The following NALCN variants were observed in gnomAD, a reference collection of about 807,000 sequenced individuals.
NALCN encodes sodium leak channel NALCN.
In NALCN, 111 loss-of-function variants were observed where a neutral mutation model predicts 225.3. The observed-to-expected ratio is 0.49, with a 90% CI of 0.42 to 0.58. NALCN has a LOEUF of 0.58. NALCN is among the 20% of genes least tolerant of loss of function. The pLI, the probability that NALCN is intolerant of heterozygous loss-of-function variation, is 0.00. For synonymous variants in NALCN, 764 were observed against 769.0 expected (o/e 0.99, Z 0.11); for missense variants, 1,378 against 2,202.4 (o/e 0.63, Z 7.49).
chr13:101,248,302 T>C (rs998678233), intron 11 of NALCN, among the ~76,000 whole-genome samples: 1 of 152,158 alleles, frequency 6.6e-6, no homozygotes, highest in Non-Finnish European at 1.5e-5. Context: ...TTCAAAATAT[T>C]GGGAACGAAC....
chr13:101,123,419 C>T (rs932805507), intron 18 of NALCN, among the ~76,000 whole-genome samples: 1 of 152,176 alleles, frequency 6.6e-6, no homozygotes, highest in African/African-American at 2.4e-5. Flanking sequence ...AATCATGATC[C>T]TGATGTAACA....
intron 9 of NALCN, among the ~76,000 whole-genome samples, chr13:101,287,531 G>A (rs1387398229): frequency 6.6e-6 from 1 of 152,068 alleles, no homozygotes; most frequent in Admixed American, 6.6e-5. Context: ...CATTAATAGT[G>A]CCCACTTCAC....
At chr13:101,376,654 C>G in intron 6 of NALCN, 46 bp downstream of exon 6, 2 of 1,553,318 alleles carry the variant, frequency 1.3e-6, no homozygotes, top group Non-Finnish European at 1.7e-6. Flanking sequence ...ACAGAGATAT[C>G]TTTGTTAATC....
At chr13:101,185,436 A>G (rs917465962) in intron 14 of NALCN, among the ~76,000 whole-genome samples, 2 of 152,198 alleles carry the variant, frequency 1.3e-5, no homozygotes, top group Non-Finnish European at 2.9e-5. Context: ...TTTCCTTTGA[A>G]ACAGTAATAG....
intron 7 of NALCN, among the ~76,000 whole-genome samples, chr13:101,331,135 C>G (rs1195341969): frequency 3.3e-5 from 5 of 151,918 alleles, no homozygotes; most frequent in Non-Finnish European, 7.4e-5. Flanking sequence ...GGCCAGAGTA[C>G]CCCTGAAAAA....
At chr13:101,410,766 T>A (rs1047178221) in intron 1 of NALCN, among the ~76,000 whole-genome samples, 8 of 152,208 alleles carry the variant, frequency 5.3e-5, no homozygotes, top group African/African-American at 1.9e-4. Context: ...TAGATACTAT[T>A]AACTGAAAGA....
At chr13:101,231,722 A>G (rs978081179) in intron 12 of NALCN, among the ~76,000 whole-genome samples, 2 of 152,246 alleles carry the variant, frequency 1.3e-5, no homozygotes, top group East Asian at 3.8e-4. Context: ...GTGTATTTAG[A>G]ACACAGTAAG....
At chr13:101,313,585 C>G (rs2044437701) in intron 7 of NALCN, among the ~76,000 whole-genome samples, 1 of 152,198 alleles carries the variant, frequency 6.6e-6, no homozygotes, top group African/African-American at 2.4e-5. Flanking sequence ...CTCATCATCA[C>G]TGGCCATCAG....
At position 101,143,164 on chromosome 13, in the gene NALCN, C is replaced by T. The variant is rs1328205905; in HGVS notation, c.2034G>A (p.Leu678=). ...AGGAAGAGGTGGTCGGGAGGCTTCT[C>T]AGGAGGCAACATGTGTCCTGTTGCT... ...DRQQQDTCCL[L]RSLPTTSSSS... is the part of the protein sequence containing the mutation. The change falls in exon 17 of 44, where the codon CTG becomes CTA. Residue 678 remains leucine, a synonymous_variant. Transcript: ENST00000251127. 1.9e-6 allele frequency: 3 copies of T among 1,614,058 alleles called. No homozygotes were observed. The Admixed American group carries it at 5.0e-5, about 27-fold the overall frequency.
intron 11 of NALCN, among the ~76,000 whole-genome samples, chr13:101,250,262 A>G (rs1208079222): frequency 6.6e-6 from 1 of 152,090 alleles, no homozygotes; most frequent in East Asian, 1.9e-4. Context: ...TCTCATTACT[A>G]AAATGAATTA....
intron 7 of NALCN, among the ~76,000 whole-genome samples, chr13:101,328,026 T>A (rs1263462274): frequency 6.6e-6 from 1 of 152,154 alleles, no homozygotes; most frequent in Non-Finnish European, 1.5e-5. Flanking sequence ...GATAAAACTT[T>A]GTTTACAAAA....
chr13:101,102,127 C>CA (rs2034852579), intron 26 of NALCN, among the ~76,000 whole-genome samples: 1 of 151,848 alleles, frequency 6.6e-6, no homozygotes, highest in African/African-American at 2.4e-5. Context: ...TACTAAAATA[C>CA]AAAAAATTAA....
intron 10 of NALCN, among the ~76,000 whole-genome samples, chr13:101,276,779 T>C (rs557699530): frequency 4.6e-5 from 7 of 152,162 alleles, no homozygotes; most frequent in East Asian, 3.9e-4. Context: ...ACTATCTCCA[T>C]AAGCAATATT....
At chr13:101,199,477 T>G (rs1251585538) in intron 13 of NALCN, among the ~76,000 whole-genome samples, 3 of 151,408 alleles carry the variant, frequency 2.0e-5, no homozygotes, top group Non-Finnish European at 4.4e-5. Flanking sequence ...CCATAAAAAA[T>G]GATGAGTTCA....
At chr13:101,124,243 A>G (rs1246909982) in intron 18 of NALCN, among the ~76,000 whole-genome samples, 1 of 152,214 alleles carries the variant, frequency 6.6e-6, no homozygotes, top group Non-Finnish European at 1.5e-5. Context: ...GTAATGAACT[A>G]TAATGAAAAA....
At chr13:101,321,333 C>A (rs1249445146) in intron 7 of NALCN, among the ~76,000 whole-genome samples, 1 of 151,964 alleles carries the variant, frequency 6.6e-6, no homozygotes, top group Admixed American at 6.6e-5. Flanking sequence ...CCTGAGTGGC[C>A]AATAAACATA....
chr13:101,389,891 G>A (rs2047096464), intron 3 of NALCN, among the ~76,000 whole-genome samples: 1 of 152,182 alleles, frequency 6.6e-6, no homozygotes, highest in Non-Finnish European at 1.5e-5. Context: ...AGACTGGCCT[G>A]GCCAACGTGG....
At position 101,070,063 on chromosome 13, in the gene NALCN, G is replaced by GTTCTTTTTTTT. The variant is rs536866923; in HGVS notation, c.4198-1237_4198-1236insAAAAAAAAGAA. On this transcript the variant is annotated intron_variant, in intron 37 of 43. Transcript: ENST00000251127. ...TGACCTCCTTCCATGAATCATGAAT[G>GTTCTTTTTTTT]TTTTTTTTTTTTTTTTTTTTTGAGA... Among the ~76,000 whole-genome samples the GTTCTTTTTTTT allele has an allele frequency of 7.9e-4, 78 of 98,306 alleles. 12 individuals carry two copies. The highest frequency in any genetic ancestry group is 2.4e-3 in the African/African-American group (57 of 23,652). 64.5% of individuals were successfully genotyped at this position (98,306 alleles called of 152,430 possible).
chr13:101,194,601 C>G (rs1594408955), intron 13 of NALCN, among the ~76,000 whole-genome samples: 1 of 152,138 alleles, frequency 6.6e-6, no homozygotes, highest in Non-Finnish European at 1.5e-5. Context: ...TTAGTGGTTA[C>G]TAAAGGTTTG....
Sources: gnomAD v4.1 joint callset for allele counts (sites outside exome capture counted in the v4.1 genomes callset) on GRCh38, gnomAD v4.1.1 for gene constraint, MANE v1.5 for transcripts, NCBI Gene and HGNC (gene_info 2026-07-23, HGNC 2026-07-21) for gene names.